Variants in DCTD observed in about 807,000 individuals in gnomAD.
The protein encoded by DCTD is dCMP deaminase, also known as deoxycytidylate deaminase.
In DCTD, 23 loss-of-function variants were observed where a neutral mutation model predicts 21.0. The ratio of observed to expected loss-of-function variants is 1.09; its 90% CI spans 0.79 to 1.55. The LOEUF (loss-of-function observed/expected upper bound fraction) is 1.55. DCTD is among the 40% of genes most tolerant of loss of function. The pLI is 0.00. For synonymous variants in DCTD, 71 were observed against 81.1 expected (o/e 0.88, Z 0.67); for missense variants, 224 against 230.0 (o/e 0.97, Z 0.17).
intron 3 of DCTD, among the ~76,000 whole-genome samples, chr4:182,912,573 C>T (rs1561344385): frequency 6.6e-6 from 1 of 152,164 alleles, no homozygotes; most frequent in African/African-American, 2.4e-5. Flanking sequence ...CAATAAAAAA[C>T]AATCGGTGAA....
intron 3 of DCTD, among the ~76,000 whole-genome samples, chr4:182,912,061 T>C (rs1737783740): frequency 6.6e-6 from 1 of 151,740 alleles, no homozygotes; most frequent in African/African-American, 2.4e-5. Flanking sequence ...ACCATTAATG[T>C]AGATGAGGAA....
intron 4 of DCTD, among the ~76,000 whole-genome samples, chr4:182,893,788 GCC>G (rs1377665592): frequency 2.6e-5 from 4 of 152,260 alleles, no homozygotes. Flanking sequence ...CAGCCAGGGA[GCC>G]CACGCGACTC....
intron 3 of DCTD, among the ~76,000 whole-genome samples, chr4:182,895,303 G>A (rs925169659): frequency 3.3e-5 from 5 of 152,246 alleles, no homozygotes; most frequent in Middle Eastern, 3.4e-3. Flanking sequence ...AATCCTGGCC[G>A]TAAGTGATCT....
At chr4:182,916,147 A>G (rs1411017155) in intron 1 of DCTD, 1 of 164,822 alleles carries the variant, frequency 6.1e-6, no homozygotes, top group Non-Finnish European at 1.3e-5. Context: ...TATTAACCAG[A>G]TAATTTTTCC....
At chr4:182,912,857 A>T (rs2152863926) in intron 3 of DCTD, among the ~76,000 whole-genome samples, 1 of 152,260 alleles carries the variant, frequency 6.6e-6, no homozygotes, top group Non-Finnish European at 1.5e-5. Context: ...CTCAGTGCTC[A>T]CCCAGGACCC....
intron 3 of DCTD, among the ~76,000 whole-genome samples, chr4:182,905,421 C>T (rs1186098637): frequency 1.3e-5 from 2 of 151,244 alleles, no homozygotes; most frequent in African/African-American, 2.4e-5. Flanking sequence ...CTCCGCCTCC[C>T]AGTTTCAAGC....
At position 182,893,651 on chromosome 4, in the gene DCTD, C is replaced by A. The variant is rs111487640; in HGVS notation, c.362-524G>T. Among the ~76,000 whole-genome samples, 344 of 152,396 alleles carry A rather than the reference C, an allele frequency of 2.3e-3. 3 individuals are homozygous for A. The highest frequency in any genetic ancestry group is 8.1e-3 in the African/African-American group (336 of 41,604). ...CCCAAGGGCCCCGCACTGAAGGCCG[C>A]TGCTCCATCAGCCTCTGAAGGCAGA... On this transcript the variant is annotated intron_variant, in intron 4 of 5. Coordinates refer to ENST00000438320, the MANE Select transcript of DCTD (RefSeq NM_001921.3).
intron 3 of DCTD, among the ~76,000 whole-genome samples, chr4:182,902,132 C>T (rs943295053): frequency 6.6e-6 from 1 of 152,194 alleles, no homozygotes; most frequent in East Asian, 1.9e-4. Flanking sequence ...TCATATGTCA[C>T]TGCCAGCCTC....
At chr4:182,915,123 G>A in intron 2 of DCTD, 65 bp from the exon 3 acceptor site, 1 of 1,604,362 alleles carries the variant, frequency 6.2e-7, no homozygotes, top group Non-Finnish European at 8.5e-7. Flanking sequence ...GTGGAAGCAG[G>A]GAATAAAACC....
intron 2 of DCTD, 50 bp downstream of exon 2, chr4:182,915,410 TA>T: frequency 8.3e-7 from 1 of 1,210,174 alleles, no homozygotes; most frequent in Non-Finnish European, 1.2e-6. Flanking sequence ...TCATGTGCAG[TA>T]ATCTCTTTGC....
intron 3 of DCTD, 34 bp from the exon 4 acceptor site, chr4:182,894,639 G>T (rs1443945821): frequency 1.4e-6 from 2 of 1,391,204 alleles, no homozygotes; most frequent in African/African-American, 1.4e-5. Context: ...GAAAAACTTT[G>T]GTTGCAGCTC....
In DCTD at chr4:182,891,376, C is replaced by G. The variant is rs1733711012; in HGVS notation, c.*23G>C. The stretch of plus-strand genomic sequence containing the variant: ...CTTAGAAGACGATAATCCCAATCTT[C>G]TGGAGATTGAATGAGATGTAACTCA... On this transcript the variant is annotated 3_prime_UTR_variant, in exon 6 of 6. Coordinates refer to ENST00000438320, the MANE Select transcript of DCTD (RefSeq NM_001921.3). 2 of 1,537,676 alleles carry G rather than the reference C, an allele frequency of 1.3e-6. No individual in the cohort carries two copies. Among genetic ancestry groups the G allele is most frequent in the Admixed American group, 1.7e-5 (1 of 59,858 alleles).
rs1738421050 is a variant in DCTD, at chr4:182,914,919, C to T, written c.244+4G>A. ...AGCAGAATGGGACATAAAACTTGCCCTACCGTACGGGTATTTGGTGTCCAG... is the reference window on the plus strand; with the variant it reads ...AGCAGAATGGGACATAAAACTTGCCTTACCGTACGGGTATTTGGTGTCCAG... On this transcript the variant is annotated splice_donor_region_variant and intron_variant, in intron 3 of 5. Coordinates refer to ENST00000438320, the MANE Select transcript of DCTD (RefSeq NM_001921.3). 7 of 1,614,080 alleles carry T rather than the reference C, an allele frequency of 4.3e-6. No homozygotes were observed. Among genetic ancestry groups the T allele is most frequent in the Non-Finnish European group, 5.9e-6 (7 of 1,180,052 alleles).
intron 3 of DCTD, among the ~76,000 whole-genome samples, chr4:182,906,312 C>T (rs1736707876): frequency 6.6e-6 from 1 of 152,106 alleles, no homozygotes; most frequent in Non-Finnish European, 1.5e-5. Context: ...GTGACTGCCT[C>T]AGAAAGGAAT....
chr4:182,896,970 T>A (rs1292443411), intron 3 of DCTD, among the ~76,000 whole-genome samples: 2 of 152,176 alleles, frequency 1.3e-5, no homozygotes, highest in Non-Finnish European at 2.9e-5. Context: ...TAATAAATAC[T>A]TTTGGATGGT....
intron 3 of DCTD, among the ~76,000 whole-genome samples, chr4:182,908,682 C>CAAAAAAAAAAAAAAAAAAAAAAAAAAAA: frequency 3.1e-5 from 2 of 63,742 alleles, no homozygotes; most frequent in Non-Finnish European, 5.9e-5. Flanking sequence ...GACTCTGTCT[C>CAAAAAAAAAAAAAAAAAAAAAAAAAAAA]AAAAAAAAAA....
At chr4:182,911,725 A>C (rs1468236994) in intron 3 of DCTD, among the ~76,000 whole-genome samples, 1 of 152,242 alleles carries the variant, frequency 6.6e-6, no homozygotes, top group Non-Finnish European at 1.5e-5. Context: ...AAGGGGTCCA[A>C]GCATATCCAC....
intron 3 of DCTD, among the ~76,000 whole-genome samples, chr4:182,895,905 C>T (rs958073551): frequency 6.6e-6 from 1 of 152,192 alleles, no homozygotes; most frequent in African/African-American, 2.4e-5. Flanking sequence ...AGACAAGTTC[C>T]GGAAGCACTG....
At chr4:182,916,625 AC>A (rs539764440) in intron 1 of DCTD, 2 of 996,742 alleles carry the variant, frequency 2.0e-6, no homozygotes, top group East Asian at 1.1e-4. Context: ...AGGCCTGGCA[AC>A]CCCCCTAACA....
Sources: gnomAD v4.1 joint callset for allele counts (sites outside exome capture counted in the v4.1 genomes callset) on GRCh38, gnomAD v4.1.1 for gene constraint, MANE v1.5 for transcripts, NCBI Gene and HGNC (gene_info 2026-07-23, HGNC 2026-07-21) for gene names.